The following ANO3 variants were observed in gnomAD, a reference collection of about 807,000 sequenced individuals.
The protein encoded by ANO3 is anoctamin 3, also known as anoctamin-3.
A neutral mutation model predicts 144.8 loss-of-function variants in ANO3; 99 were observed. The ratio of observed to expected loss-of-function variants is 0.68; its 90% confidence interval spans 0.58 to 0.81. ANO3 has a LOEUF of 0.81. Ranked by LOEUF, ANO3 falls within the 30% of genes least tolerant of loss-of-function variation. The pLI is 0.00. For missense variants in ANO3, 905 were observed against 1,202.2 expected, an observed-to-expected ratio of 0.75 and a Z score of 3.66; for synonymous variants, 414 against 392.6, an observed-to-expected ratio of 1.05 and a Z score of -0.64.
intron 14 of ANO3, chr11:26,560,522 C>T (rs941592394): frequency 6.6e-6 from 1 of 152,292 alleles, no homozygotes; most frequent in Admixed American, 6.6e-5. Context: ...AAAATTATAA[C>T]GTACTAGAAT....
intron 1 of ANO3, among the ~76,000 whole-genome samples, chr11:26,203,681 T>A (rs1590191499): frequency 6.6e-6 from 1 of 152,130 alleles, no homozygotes; most frequent in African/African-American, 2.4e-5. Context: ...AGGAAGCACA[T>A]CATTCACATG....
At chr11:26,544,251 C>CACATAT (rs1183023481) in intron 11 of ANO3, among the ~76,000 whole-genome samples, 9 of 38,480 alleles carry the variant, frequency 2.3e-4, no homozygotes, top group African/African-American at 3.3e-4. Context: ...TTTCATTATA[C>CACATAT]ATATATATAT....
chr11:26,332,976 A>G (rs1260333709), intron 1 of ANO3, among the ~76,000 whole-genome samples: 1 of 152,152 alleles, frequency 6.6e-6, no homozygotes, highest in African/African-American at 2.4e-5. Context: ...TGTTCAAGTT[A>G]TCCTCACTCT....
intron 1 of ANO3, among the ~76,000 whole-genome samples, chr11:26,394,135 T>C (rs1418957612): frequency 6.6e-6 from 1 of 152,172 alleles, no homozygotes; most frequent in Non-Finnish European, 1.5e-5. Context: ...TGGTTTTATT[T>C]TCCCAAACTG....
chr11:26,507,980 T>A, intron 4 of ANO3, 124 bp from the exon 5 acceptor site: 2 of 787,968 alleles, frequency 2.5e-6, no homozygotes, highest in Non-Finnish European at 3.8e-6. Context: ...CCATATCTCA[T>A]GGTAGGAATA....
At chr11:26,264,681 C>A (rs1853267871) in intron 1 of ANO3, among the ~76,000 whole-genome samples, 1 of 151,982 alleles carries the variant, frequency 6.6e-6, no homozygotes, top group Non-Finnish European at 1.5e-5. Context: ...TCATGGTAAC[C>A]TCAGGGTTAG....
chr11:26,543,279 T>G (rs1040999125), intron 11 of ANO3, among the ~76,000 whole-genome samples: 1 of 151,866 alleles, frequency 6.6e-6, no homozygotes, highest in African/African-American at 2.4e-5. Context: ...TGCCCTCTGA[T>G]CTCCTGCTGG....
intron 1 of ANO3, among the ~76,000 whole-genome samples, chr11:26,345,399 A>T (rs957472261): frequency 9.9e-5 from 15 of 152,112 alleles, no homozygotes; most frequent in African/African-American, 3.6e-4. Context: ...TACTAAAAAT[A>T]AAAAATTTTA....
At chr11:26,594,581 A>G (rs999523556) in intron 14 of ANO3, among the ~76,000 whole-genome samples, 11 of 151,830 alleles carry the variant, frequency 7.2e-5, no homozygotes, top group Admixed American at 5.2e-4. Flanking sequence ...TCCTCCCACC[A>G]CTTGGAGGGG....
chr11:26,287,879 A>G (rs1853845362), intron 1 of ANO3: 1 of 152,198 alleles, frequency 6.6e-6, no homozygotes. Flanking sequence ...ACTCACATTT[A>G]TTTTCTTTAA....
intron 4 of ANO3, among the ~76,000 whole-genome samples, chr11:26,490,673 C>T (rs1860669072): frequency 6.6e-6 from 1 of 152,150 alleles, no homozygotes; most frequent in African/African-American, 2.4e-5. Context: ...GATTTCACAC[C>T]TAACCACAAC....
chr11:26,438,592 C>CAAAAAAAAAAAAA (rs1227963923), intron 1 of ANO3, among the ~76,000 whole-genome samples: 4 of 70,284 alleles, frequency 5.7e-5, no homozygotes, highest in African/African-American at 1.2e-4. Context: ...ACTAAAAATA[C>CAAAAAAAAAAAAA]AAAAAAAAAA....
chr11:26,410,905 G>T (rs75625025), intron 1 of ANO3, among the ~76,000 whole-genome samples: 1 of 151,950 alleles, frequency 6.6e-6, no homozygotes, highest in Non-Finnish European at 1.5e-5. Context: ...CTGCCTGTGC[G>T]CTCAAGATAT....
In ANO3 at chr11:26,256,244, T is replaced by G. The variant is rs11029434; in HGVS notation, c.155-53401T>G. Among the ~76,000 whole-genome samples the G allele has an allele frequency of 1.6e-4, 24 of 152,288 alleles. No individual in the cohort carries two copies. The East Asian group carries it at 4.4e-3, about 28-fold the overall frequency. ...GATTATACCATATGAAACTGTATCATGTATTCAAATTCAAAAAAGTTATGA... is the reference window on the plus strand; with the variant it reads ...GATTATACCATATGAAACTGTATCAGGTATTCAAATTCAAAAAAGTTATGA... On this transcript the variant is annotated intron_variant, in intron 1 of 27. Transcript: ENST00000672621.
intron 4 of ANO3, among the ~76,000 whole-genome samples, chr11:26,498,467 A>G (rs1194666231): frequency 6.6e-6 from 1 of 151,198 alleles, no homozygotes; most frequent in Non-Finnish European, 1.5e-5. Flanking sequence ...TTCATAGATT[A>G]TGCTGGTCTT....
intron 24 of ANO3, among the ~76,000 whole-genome samples, chr11:26,650,585 AGTATT>A (rs1376217190): frequency 1.7e-4 from 26 of 152,218 alleles, no homozygotes; most frequent in African/African-American, 6.0e-4. Flanking sequence ...GGCACCAAAC[AGTATT>A]GCTAGTGATT....
At chr11:26,517,467 T>C (rs1039794906) in intron 6 of ANO3, among the ~76,000 whole-genome samples, 3 of 152,060 alleles carry the variant, frequency 2.0e-5, no homozygotes, top group African/African-American at 7.2e-5. Context: ...TAAATAGACA[T>C]CCGTTTCCCT....
At chr11:26,226,312 A>C (rs1279573049) in intron 1 of ANO3, among the ~76,000 whole-genome samples, 2 of 151,900 alleles carry the variant, frequency 1.3e-5, no homozygotes, top group African/African-American at 4.8e-5. Context: ...AGATACCTAC[A>C]CTAAATTCTG....
chr11:26,490,558 G>A (rs1590410624), intron 4 of ANO3, among the ~76,000 whole-genome samples: 1 of 152,204 alleles, frequency 6.6e-6, no homozygotes, highest in East Asian at 1.9e-4. Flanking sequence ...TTTCTGATAA[G>A]TCAGCATAGA....
Sources: allele counts gnomAD v4.1 joint callset (sites outside exome capture counted in the v4.1 genomes callset), GRCh38; gene constraint gnomAD v4.1.1; transcripts MANE v1.5; gene names NCBI Gene and HGNC (gene_info 2026-07-23, HGNC 2026-07-21).